Variants in B3GLCT observed in about 807,000 individuals in gnomAD.
B3GLCT encodes beta 3-glucosyltransferase, also known as beta-1,3-glucosyltransferase.
A neutral mutation model predicts 63.4 loss-of-function variants in B3GLCT; 65 were observed. That is an observed-to-expected ratio of 1.03 (90% CI 0.84 to 1.26). B3GLCT has a LOEUF of 1.26. B3GLCT is among the 50% of genes most tolerant of loss of function. The pLI is 0.00. For missense variants in B3GLCT, 577 were observed against 604.8 expected (o/e 0.95, Z 0.48); for synonymous variants, 233 against 219.2 (o/e 1.06, Z -0.55).
Position 31,327,210 on chromosome 13 carries a change from T to C in B3GLCT, c.1330-2291T>C, listed in dbSNP as rs1223433827. ...GTAAGAGATTAACAACAATAACTAA[T>C]AATAAAATAGAGCAATTATAACCAT... On this transcript the variant is annotated intron_variant, in intron 14 of 14. Coordinates refer to ENST00000343307, the MANE Select transcript of B3GLCT (RefSeq NM_194318.4). Among the ~76,000 whole-genome samples the C allele has an allele frequency of 2.0e-5, 3 of 152,206 alleles. No homozygotes were observed. In the East Asian group the frequency reaches 5.8e-4, roughly 29 times the overall value.
chr13:31,312,943 G>A (rs934658573), intron 12 of B3GLCT: 1 of 152,216 alleles, frequency 6.6e-6, no homozygotes, highest in African/African-American at 2.4e-5. Flanking sequence ...AAACAGGATA[G>A]TGTTCAAAGA....
chr13:31,221,037 G>A (rs190008057), intron 2 of B3GLCT, among the ~76,000 whole-genome samples: 200 of 152,284 alleles, frequency 1.3e-3, no homozygotes, highest in Middle Eastern at 3.4e-3. Context: ...TTATCATGGC[G>A]GTGTGAGGAA....
chr13:31,320,648 T>A (rs1365280460), intron 13 of B3GLCT, among the ~76,000 whole-genome samples: 1 of 152,218 alleles, frequency 6.6e-6, no homozygotes, highest in African/African-American at 2.4e-5. Context: ...TCCCATTGCC[T>A]TTAGGATCAA....
At chr13:31,288,009 A>G (rs536479349) in intron 12 of B3GLCT, among the ~76,000 whole-genome samples, 102 of 152,346 alleles carry the variant, frequency 6.7e-4, no homozygotes, top group African/African-American at 2.4e-3. Context: ...CTGTGGGACA[A>G]TTTCAGGTGG....
intron 7 of B3GLCT, 106 bp downstream of exon 7, chr13:31,261,188 C>T (rs1050642275): frequency 7.8e-7 from 1 of 1,287,956 alleles, no homozygotes; most frequent in African/African-American, 1.5e-5. Context: ...ATGAGTTTTT[C>T]AGCCAGAGGC....
At chr13:31,312,127 T>A (rs1566093504) in intron 12 of B3GLCT, among the ~76,000 whole-genome samples, 1 of 152,178 alleles carries the variant, frequency 6.6e-6, no homozygotes, top group African/African-American at 2.4e-5. Flanking sequence ...GACTGTCAGT[T>A]AAGATGGCCG....
intron 11 of B3GLCT, 54 bp from the exon 12 acceptor site, chr13:31,286,666 C>A: frequency 1.7e-6 from 2 of 1,172,716 alleles, no homozygotes; most frequent in Non-Finnish European, 2.5e-6. Context: ...TGAACAAATT[C>A]TATATATTTT....
Position 31,315,590 on chromosome 13 carries a change from G to A in B3GLCT, c.1065-1976G>A, listed in dbSNP as rs529569593. ...GAAATTGGAACTTATTAAAAGGGAA[G>A]CAGAGCATAAAGGTTTGGAAAATTT... On this transcript the variant is annotated intron_variant, in intron 12 of 14. Coordinates refer to ENST00000343307, the MANE Select transcript of B3GLCT (RefSeq NM_194318.4). 2.6e-5 allele frequency among the ~76,000 whole-genome samples: 4 copies of A among 152,344 alleles called. No homozygotes were observed. In the South Asian group the frequency reaches 8.3e-4, roughly 32 times the overall value.
intron 8 of B3GLCT, among the ~76,000 whole-genome samples, chr13:31,271,029 G>A (rs1013997231): frequency 1.3e-5 from 2 of 152,210 alleles, no homozygotes; most frequent in Admixed American, 6.5e-5. Flanking sequence ...CCTGCATAAG[G>A]CGTGAATTCC....
intron 13 of B3GLCT, among the ~76,000 whole-genome samples, chr13:31,321,873 G>A (rs1018147666): frequency 1.3e-5 from 2 of 152,048 alleles, no homozygotes; most frequent in Admixed American, 6.6e-5. Flanking sequence ...CTTTTGAGGG[G>A]CAGGAGGTGT....
chr13:31,202,917 C>T (rs1291861561), intron 1 of B3GLCT, among the ~76,000 whole-genome samples: 1 of 152,178 alleles, frequency 6.6e-6, no homozygotes, highest in Non-Finnish European at 1.5e-5. Context: ...GTCAGCTCTG[C>T]ATTTCCTGTT....
intron 7 of B3GLCT, among the ~76,000 whole-genome samples, chr13:31,262,697 T>C (rs886653564): frequency 6.6e-6 from 1 of 152,234 alleles, no homozygotes; most frequent in African/African-American, 2.4e-5. Flanking sequence ...GCCACCTTTG[T>C]TGAGTCTGGA....
chr13:31,247,177 A>G, intron 5 of B3GLCT, 78 bp downstream of exon 5: 1 of 1,180,804 alleles, frequency 8.5e-7, no homozygotes, highest in Admixed American at 1.8e-5. Flanking sequence ...TTTTATTAAG[A>G]GGGTGTGGTT....
At chr13:31,208,053 G>T (rs892361179) in intron 1 of B3GLCT, among the ~76,000 whole-genome samples, 1 of 151,736 alleles carries the variant, frequency 6.6e-6, no homozygotes, top group Non-Finnish European at 1.5e-5. Context: ...GCAGCGCTCG[G>T]ATTTGAACCT....
chr13:31,300,158 G>A lies in B3GLCT; in HGVS notation c.1064+13339G>A, dbSNP rs115137219. Among the ~76,000 whole-genome samples, 835 of 152,282 alleles carry A rather than the reference G, an allele frequency of 5.5e-3. 12 individuals are homozygous for A. The highest frequency in any genetic ancestry group is 0.019 in the African/African-American group (801 of 41,554). ...AGTCAAGAGCTGCTTACAGGGTAGT[G>A]TAGAATCCAGTGGCTCCTCACATAG... is the stretch of plus-strand genomic sequence containing the variant. On this transcript the variant is annotated intron_variant, in intron 12 of 14. Coordinates refer to ENST00000343307, the MANE Select transcript of B3GLCT (RefSeq NM_194318.4).
chr13:31,201,327 A>G (rs1488939166), intron 1 of B3GLCT, among the ~76,000 whole-genome samples: 3 of 152,246 alleles, frequency 2.0e-5, no homozygotes, highest in Non-Finnish European at 4.4e-5. Context: ...GCATTTCTAT[A>G]GGCGCTCAGT....
intron 14 of B3GLCT, among the ~76,000 whole-genome samples, chr13:31,329,123 G>T (rs538168127): frequency 6.6e-6 from 1 of 152,102 alleles, no homozygotes; most frequent in African/African-American, 2.4e-5. Flanking sequence ...ACAAACTTAC[G>T]GCCAGTTTCC....
intron 6 of B3GLCT, among the ~76,000 whole-genome samples, chr13:31,248,818 G>T (rs1289710042): frequency 3.3e-5 from 5 of 152,192 alleles, no homozygotes; most frequent in Non-Finnish European, 5.9e-5. Flanking sequence ...GGTGGTCAGT[G>T]AATATTTGCG....
At chr13:31,211,592 T>TC (rs1308877575) in intron 1 of B3GLCT, among the ~76,000 whole-genome samples, 1 of 151,734 alleles carries the variant, frequency 6.6e-6, no homozygotes, top group African/African-American at 2.4e-5. Context: ...GGTTTGGGTT[T>TC]TTTTTTTTTT....
Sources: allele counts gnomAD v4.1 joint callset (sites outside exome capture counted in the v4.1 genomes callset), GRCh38; gene constraint gnomAD v4.1.1; transcripts MANE v1.5; gene names NCBI Gene and HGNC (gene_info 2026-07-23, HGNC 2026-07-21).